The following PGM2L1 variants were observed in gnomAD, a reference collection of about 807,000 sequenced individuals.
The protein encoded by PGM2L1 is glucose 1,6-bisphosphate synthase.
Under a neutral mutation model 73.4 loss-of-function variants are expected in PGM2L1, and 35 were observed. The ratio of observed to expected loss-of-function variants is 0.48; its 90% CI spans 0.36 to 0.63. The LOEUF is 0.63. PGM2L1 is among the 30% of genes least tolerant of loss of function. PGM2L1 has a pLI of 0.00. For synonymous variants in PGM2L1, 225 were observed against 253.8 expected (o/e 0.89, Z 1.08); for missense variants, 570 against 742.0 (o/e 0.77, Z 2.69).
In PGM2L1 at chr11:74,371,740, A is replaced by G. The variant is rs1162901360; in HGVS notation, c.357T>C (p.Gly119=). 1 of 1,613,860 alleles carries G rather than the reference A, an allele frequency of 6.2e-7. No individual in the cohort carries two copies. The highest frequency in any genetic ancestry group is 8.5e-7 in the Non-Finnish European group (1 of 1,179,842). ...GGCTGCTGCAGCTGCTAGTTACTTG[A>G]CCCCGAGTGTCATACCCAACCACAA... is the stretch of plus-strand genomic sequence containing the variant. ...RGFVVGYDTR[G]QVTSSCSSQR... is the part of the protein sequence containing the mutation. Residue 119 remains glycine, a synonymous_variant, in exon 3 of 14, where the codon GGT becomes GGC. Coordinates refer to ENST00000298198, the MANE Select transcript of PGM2L1 (RefSeq NM_173582.6).
In PGM2L1 at chr11:74,368,486, G is replaced by C; in HGVS notation, c.555+6C>G. The stretch of plus-strand genomic sequence containing the variant: ...GATAAGCAAAGGTCAGGAGTCCAAG[G>C]TTTACCTTGTATCCATTGTCTTCCT... On this transcript the variant is annotated splice_donor_region_variant and intron_variant, in intron 5 of 13. Coordinates refer to ENST00000298198, the MANE Select transcript of PGM2L1 (RefSeq NM_173582.6). 1.2e-6 allele frequency: 2 copies of C among 1,606,956 alleles called. No homozygotes were observed. The highest frequency in any genetic ancestry group is 1.7e-6 in the Non-Finnish European group (2 of 1,173,650).
At chr11:74,353,539 T>C (rs945242253) in intron 5 of PGM2L1, among the ~76,000 whole-genome samples, 34 of 151,406 alleles carry the variant, frequency 2.2e-4, no homozygotes, top group Admixed American at 7.2e-4. Context: ...GTGATGACTC[T>C]TAAGGAGCAT....
intron 5 of PGM2L1, among the ~76,000 whole-genome samples, chr11:74,366,459 TAAA>T (rs60427823): frequency 4.2e-5 from 6 of 143,280 alleles, no homozygotes; most frequent in Admixed American, 7.0e-5. Flanking sequence ...CCCCATCTCT[TAAA>T]AAAAAAAAAA....
intron 12 of PGM2L1, among the ~76,000 whole-genome samples, chr11:74,339,435 T>A (rs1341864543): frequency 1.3e-5 from 2 of 152,150 alleles, no homozygotes; most frequent in African/African-American, 4.8e-5. Flanking sequence ...TTGACACTGG[T>A]ACCTTTCCTC....
intron 4 of PGM2L1, among the ~76,000 whole-genome samples, chr11:74,370,283 C>T (rs1862732122): frequency 6.6e-6 from 1 of 152,044 alleles, no homozygotes; most frequent in Non-Finnish European, 1.5e-5. Context: ...ATGGTTTTGG[C>T]TTGTACAGCT....
intron 5 of PGM2L1, among the ~76,000 whole-genome samples, chr11:74,352,880 T>A (rs1316668428): frequency 1.3e-5 from 2 of 152,200 alleles, no homozygotes; most frequent in Non-Finnish European, 1.5e-5. Flanking sequence ...TGGATTGTAA[T>A]GCCCATGTGC....
At chr11:74,351,262 T>G in intron 6 of PGM2L1, 121 bp downstream of exon 6, 2 of 933,264 alleles carry the variant, frequency 2.1e-6, no homozygotes, top group Admixed American at 3.0e-5. Context: ...TTGACTCTTA[T>G]GAGTACTATT....
At chr11:74,340,414 C>G (rs1371609801) in intron 12 of PGM2L1, among the ~76,000 whole-genome samples, 1 of 152,060 alleles carries the variant, frequency 6.6e-6, no homozygotes, top group Admixed American at 6.6e-5. Flanking sequence ...GAAAAGTAGA[C>G]ACATATATAC....
chr11:74,343,336 A>G lies in PGM2L1; in HGVS notation c.1299T>C (p.Phe433=), dbSNP rs77274619. ...TTTACTACATACCAATAGACTCTTC[A>G]AATGCAAAAAGGACTTCTTTCCCAT... is the stretch of plus-strand genomic sequence containing the variant. The part of the protein sequence containing the change: ...LENGKEVLFA[F]EESIGFLCGT... The change falls in exon 10 of 14, where the codon TTT becomes TTC. Residue 433 remains phenylalanine (F), a synonymous_variant. Coordinates refer to ENST00000298198, the MANE Select transcript of PGM2L1 (RefSeq NM_173582.6). 149 of 1,607,026 alleles carry G rather than the reference A, an allele frequency of 9.3e-5. No individual in the cohort carries two copies. In the African/African-American group the frequency reaches 1.9e-3, roughly 21 times the overall value.
intron 1 of PGM2L1, chr11:74,397,807 G>T: frequency 9.3e-6 from 3 of 321,378 alleles, no homozygotes; most frequent in Admixed American, 5.3e-5. Flanking sequence ...AGAGGGTAAA[G>T]AAGAGGAAGG....
intron 5 of PGM2L1, chr11:74,354,927 A>G (rs1453031552): frequency 1.1e-6 from 1 of 888,888 alleles, no homozygotes. Context: ...TGTGGATAAG[A>G]CTGTCATTCA....
In PGM2L1 at chr11:74,336,600, C is replaced by A; in HGVS notation, c.*52G>T. On this transcript the variant is annotated 3_prime_UTR_variant, in exon 14 of 14. Transcript: ENST00000298198. ...CACAAGGTTCAATGTATGCAGTTCT[C>A]GGTTGCTCTGTTCCATATGCCCACA... 8.1e-7 allele frequency: 1 copy of A among 1,230,102 alleles called. No homozygotes were observed. The highest frequency in any genetic ancestry group is 1.4e-5 in the South Asian group (1 of 69,342). The allele number at this position is 1,230,102 out of a possible 1,614,324, so 76.2% of individuals were successfully genotyped here.
intron 5 of PGM2L1, among the ~76,000 whole-genome samples, chr11:74,359,760 G>A (rs1325468213): frequency 6.6e-6 from 1 of 152,096 alleles, no homozygotes; most frequent in Non-Finnish European, 1.5e-5. Context: ...TATATGTGTG[G>A]ACTATCCCTG....
chr11:74,368,854 G>C (rs1323056331), intron 4 of PGM2L1, among the ~76,000 whole-genome samples: 1 of 151,832 alleles, frequency 6.6e-6, no homozygotes, highest in African/African-American at 2.4e-5. Context: ...TATTCATTAA[G>C]GCTATACATT....
chr11:74,343,673 T>C (rs1862217904), intron 9 of PGM2L1, among the ~76,000 whole-genome samples: 1 of 151,882 alleles, frequency 6.6e-6, no homozygotes, highest in Non-Finnish European at 1.5e-5. Flanking sequence ...TTATAAGTGG[T>C]GCTTCATGTA....
rs34084102 is a variant in PGM2L1, at chr11:74,392,545, G to GT, written c.111+5505dup. Among the ~76,000 whole-genome samples, 732 of 144,826 alleles carry GT rather than the reference G, an allele frequency of 5.1e-3. 5 individuals carry two copies. Among genetic ancestry groups the GT allele is most frequent in the South Asian group, 0.028 (130 of 4,580 alleles). ...CAGCTTTATAAAAGCCAATAAAATA[G>GT]TTTTTTTTTTTTTGAGACGGAGTCT... On this transcript the variant is annotated intron_variant, in intron 1 of 13. Transcript: ENST00000298198.
At chr11:74,369,324 G>A (rs1752026651) in intron 4 of PGM2L1, among the ~76,000 whole-genome samples, 1 of 150,678 alleles carries the variant, frequency 6.6e-6, no homozygotes, top group South Asian at 2.1e-4. Flanking sequence ...GCCAACAAAG[G>A]TGAAAGTGCA....
intron 2 of PGM2L1, among the ~76,000 whole-genome samples, chr11:74,374,002 A>C (rs1189343370): frequency 6.8e-6 from 1 of 147,376 alleles, no homozygotes; most frequent in Non-Finnish European, 1.5e-5. Context: ...CTGGGAAATA[A>C]AGTTTTGTGT....
At chr11:74,390,837 G>C (rs1863091315) in intron 1 of PGM2L1, among the ~76,000 whole-genome samples, 1 of 152,174 alleles carries the variant, frequency 6.6e-6, no homozygotes, top group Non-Finnish European at 1.5e-5. Flanking sequence ...TATGCTAAGT[G>C]AAATAAGCTA....
Sources: allele counts gnomAD v4.1 joint callset (sites outside exome capture counted in the v4.1 genomes callset), GRCh38; gene constraint gnomAD v4.1.1; transcripts MANE v1.5; gene names NCBI Gene and HGNC (gene_info 2026-07-23, HGNC 2026-07-21).